The following RAD51B variants were observed in gnomAD, a reference collection of about 807,000 sequenced individuals.
The protein encoded by RAD51B is DNA repair protein RAD51 homolog 2.
Under a neutral mutation model 42.2 loss-of-function variants are expected in RAD51B, and 38 were observed. The observed-to-expected ratio is 0.90, with a 90% CI of 0.70 to 1.18. The LOEUF (loss-of-function observed/expected upper bound fraction) is 1.18. RAD51B is among the 50% of genes most tolerant of loss of function. The pLI is 0.00. For synonymous variants in RAD51B, 154 were observed against 145.2 expected, an observed-to-expected ratio of 1.06 and a Z score of -0.43; for missense variants, 373 against 400.7, an observed-to-expected ratio of 0.93 and a Z score of 0.59.
At chr14:68,345,976 A>C (rs1264141840) in intron 8 of RAD51B, among the ~76,000 whole-genome samples, 2 of 152,212 alleles carry the variant, frequency 1.3e-5, no homozygotes, top group African/African-American at 4.8e-5. Flanking sequence ...ATAGTGATGC[A>C]AGAACAGACT....
intron 7 of RAD51B, among the ~76,000 whole-genome samples, chr14:68,136,256 G>A (rs1406076283): frequency 2.0e-5 from 3 of 152,118 alleles, no homozygotes; most frequent in African/African-American, 4.8e-5. Context: ...TTGTTTTGCT[G>A]TGAGCAGGGT....
At chr14:68,381,502 C>T (rs757134002) in intron 8 of RAD51B, among the ~76,000 whole-genome samples, 30 of 151,930 alleles carry the variant, frequency 2.0e-4, no homozygotes, top group African/African-American at 7.3e-4. Flanking sequence ...GGTGAAACCC[C>T]GTCTCTACTA....
intron 7 of RAD51B, among the ~76,000 whole-genome samples, chr14:68,238,465 T>C (rs1161651922): frequency 1.3e-5 from 2 of 152,084 alleles, no homozygotes; most frequent in East Asian, 3.8e-4. Flanking sequence ...TGTGCCCAGC[T>C]AAATTTTAAA....
Position 68,388,096 on chromosome 14 carries a change from T to TATATATATA in RAD51B, c.854-23328_854-23327insATATATATA, listed in dbSNP as rs33934376. On this transcript the variant is annotated intron_variant, in intron 8 of 10. Transcript: ENST00000471583. ...TGTGTGTGTATATATATATATATAT[T>TATATATATA]TTTTTTTTTTTTTAATTGAGGCAGC... is the stretch of plus-strand genomic sequence containing the variant. Among the ~76,000 whole-genome samples the TATATATATA allele has an allele frequency of 9.8e-5, 9 of 92,116 alleles. No individual in the cohort carries two copies. The East Asian group carries it at 2.8e-3, about 28-fold the overall frequency. 60.4% of individuals were successfully genotyped at this position (92,116 alleles called of 152,430 possible).
At chr14:67,824,239 A>G (rs946738775) in intron 2 of RAD51B, among the ~76,000 whole-genome samples, 1 of 151,948 alleles carries the variant, frequency 6.6e-6, no homozygotes, top group Non-Finnish European at 1.5e-5. Flanking sequence ...TTAAGGTTTT[A>G]TCTTAGGATT....
intron 7 of RAD51B, among the ~76,000 whole-genome samples, chr14:68,261,444 A>G (rs1284428427): frequency 3.3e-5 from 5 of 152,260 alleles, no homozygotes; most frequent in African/African-American, 1.2e-4. Flanking sequence ...AAGATACAGA[A>G]GAGTAGCATC....
intron 10 of RAD51B, among the ~76,000 whole-genome samples, chr14:68,576,374 T>C (rs368067970): frequency 2.0e-5 from 3 of 152,270 alleles, no homozygotes; most frequent in Admixed American, 6.5e-5. Context: ...GTGATTAGGA[T>C]TGTTACCATT....
chr14:68,337,147 G>A (rs1369126627), intron 8 of RAD51B, among the ~76,000 whole-genome samples: 1 of 152,108 alleles, frequency 6.6e-6, no homozygotes, highest in African/African-American at 2.4e-5. Flanking sequence ...CTGTGGAGGG[G>A]AGAATTTCTG....
intron 11 of RAD51B, among the ~76,000 whole-genome samples, chr14:68,682,373 C>G (rs1893450273): frequency 1.3e-5 from 2 of 152,174 alleles, no homozygotes; most frequent in East Asian, 1.9e-4. Context: ...TTCCAGTTGT[C>G]AGACACACCA....
At chr14:68,225,782 A>G (rs889293903) in intron 7 of RAD51B, among the ~76,000 whole-genome samples, 2 of 152,230 alleles carry the variant, frequency 1.3e-5, no homozygotes, top group African/African-American at 4.8e-5. Context: ...AGCGGAACAC[A>G]GTGACCAGTG....
chr14:68,361,245 G>A (rs1424134406), intron 8 of RAD51B, among the ~76,000 whole-genome samples: 1 of 152,172 alleles, frequency 6.6e-6, no homozygotes, highest in Non-Finnish European at 1.5e-5. Context: ...TTGGGATACT[G>A]TTTTCTGCGC....
chr14:68,195,800 T>C (rs146927586), intron 7 of RAD51B, among the ~76,000 whole-genome samples: 31 of 148,804 alleles, frequency 2.1e-4, no homozygotes, highest in African/African-American at 7.7e-4. Context: ...CCCAGCTACT[T>C]GGGAGGCTGA....
At chr14:67,920,636 C>G (rs759722302) in intron 7 of RAD51B, among the ~76,000 whole-genome samples, 2 of 152,100 alleles carry the variant, frequency 1.3e-5, no homozygotes, top group Non-Finnish European at 2.9e-5. Flanking sequence ...AGTTAAGTTT[C>G]TGTAATATGT....
At chr14:67,912,049 T>C (rs1183629890) in intron 7 of RAD51B, among the ~76,000 whole-genome samples, 2 of 152,242 alleles carry the variant, frequency 1.3e-5, no homozygotes, top group Non-Finnish European at 2.9e-5. Flanking sequence ...TATTTTCTTC[T>C]ACTCTTTATA....
chr14:67,877,098 T>A (rs569229038), intron 5 of RAD51B, among the ~76,000 whole-genome samples: 1 of 150,226 alleles, frequency 6.7e-6, no homozygotes, highest in Admixed American at 6.6e-5. Flanking sequence ...CAAGAAGAAA[T>A]TTTTTTTTTA....
At chr14:68,617,755 T>C (rs1891854953) in intron 10 of RAD51B, among the ~76,000 whole-genome samples, 1 of 152,220 alleles carries the variant, frequency 6.6e-6, no homozygotes, top group Non-Finnish European at 1.5e-5. Context: ...AGTTCTGCAC[T>C]GTGTGTTGTA....
intron 7 of RAD51B, among the ~76,000 whole-genome samples, chr14:68,052,928 C>A (rs953402163): frequency 3.3e-5 from 5 of 152,002 alleles, no homozygotes; most frequent in African/African-American, 1.2e-4. Flanking sequence ...CCACCGTGTC[C>A]GGCCAATTTC....
At chr14:68,470,495 G>A (rs1416870823) in intron 10 of RAD51B, 7 of 486,364 alleles carry the variant, frequency 1.4e-5, no homozygotes. Context: ...ATGATCTTGA[G>A]AAAATCTCTG....
chr14:68,225,457 A>G (rs2080018349), intron 7 of RAD51B, among the ~76,000 whole-genome samples: 1 of 152,212 alleles, frequency 6.6e-6, no homozygotes, highest in African/African-American at 2.4e-5. Context: ...TTTCAGTCTA[A>G]ATTAAGGTGG....
Sources: allele counts gnomAD v4.1 joint callset (sites outside exome capture counted in the v4.1 genomes callset), GRCh38; gene constraint gnomAD v4.1.1; transcripts MANE v1.5; gene names NCBI Gene and HGNC (gene_info 2026-07-23, HGNC 2026-07-21).